The following WDR70 variants were observed in gnomAD, a reference collection of about 807,000 sequenced individuals.
The protein encoded by WDR70 is WD repeat domain 70, also known as WD repeat-containing protein 70.
Under a neutral mutation model 88.6 loss-of-function variants are expected in WDR70, and 53 were observed. The observed-to-expected ratio is 0.60, with a 90% CI of 0.48 to 0.75. The LOEUF is 0.75. Ranked by LOEUF, WDR70 falls within the 30% of genes least tolerant of loss-of-function variation. WDR70 has a pLI of 0.00. For synonymous variants in WDR70, 280 were observed against 270.0 expected, an observed-to-expected ratio of 1.04 and a Z score of -0.36; for missense variants, 610 against 823.2, an observed-to-expected ratio of 0.74 and a Z score of 3.17.
chr5:37,695,210 T>C (rs892452821), intron 10 of WDR70, among the ~76,000 whole-genome samples: 1 of 152,064 alleles, frequency 6.6e-6, no homozygotes, highest in African/African-American at 2.4e-5. Flanking sequence ...TCATGAGAAC[T>C]CACCCACTAT....
chr5:37,536,962 C>G (rs1379344401), intron 9 of WDR70, among the ~76,000 whole-genome samples: 1 of 152,010 alleles, frequency 6.6e-6, no homozygotes, highest in African/African-American at 2.4e-5. Flanking sequence ...TTATCTGGCC[C>G]CATGTCCAAG....
chr5:37,443,078 G>A (rs1195085861), intron 6 of WDR70, among the ~76,000 whole-genome samples, 161 bp from the exon 7 acceptor site: 1 of 152,176 alleles, frequency 6.6e-6, no homozygotes, highest in African/African-American at 2.4e-5. Flanking sequence ...TAATATGGAA[G>A]GCAACCATCC....
intron 17 of WDR70, 36 bp downstream of exon 17, chr5:37,727,081 A>G (rs1260225225): frequency 3.2e-6 from 5 of 1,586,898 alleles, no homozygotes; most frequent in Non-Finnish European, 4.3e-6. Context: ...GAAAATTGTT[A>G]TGTTTAATGA....
intron 10 of WDR70, among the ~76,000 whole-genome samples, chr5:37,658,267 G>A (rs1349944591): frequency 6.6e-6 from 1 of 151,744 alleles, no homozygotes; most frequent in Non-Finnish European, 1.5e-5. Flanking sequence ...GTTCAAACCT[G>A]TGCTGTTCAA....
chr5:37,496,378 G>C (rs961052247), intron 8 of WDR70, among the ~76,000 whole-genome samples: 10 of 152,180 alleles, frequency 6.6e-5, no homozygotes, highest in African/African-American at 2.2e-4. Context: ...AAGGTCTGTG[G>C]CTTCACTCCT....
chr5:37,468,392 A>T (rs1190461487), intron 7 of WDR70, among the ~76,000 whole-genome samples: 16 of 152,148 alleles, frequency 1.1e-4, no homozygotes, highest in African/African-American at 3.9e-4. Flanking sequence ...TTTATTTCAG[A>T]TTATATATAT....
chr5:37,747,046 G>A (rs1748655944), intron 17 of WDR70, among the ~76,000 whole-genome samples: 1 of 152,114 alleles, frequency 6.6e-6, no homozygotes, highest in Admixed American at 6.5e-5. Flanking sequence ...ACCGAACCCA[G>A]CAGCACATCA....
chr5:37,705,973 C>T (rs1305442488), intron 13 of WDR70, among the ~76,000 whole-genome samples: 2 of 152,232 alleles, frequency 1.3e-5, no homozygotes, highest in African/African-American at 4.8e-5. Flanking sequence ...TATTCTAGGA[C>T]ACCAGGCTCA....
At chr5:37,479,366 GTTT>G (rs55879112) in intron 7 of WDR70, 4 of 133,230 alleles carry the variant, frequency 3.0e-5, no homozygotes, top group Non-Finnish European at 6.4e-5. Context: ...GGTGGTGGTT[GTTT>G]TTTTTTTTTT....
intron 5 of WDR70, among the ~76,000 whole-genome samples, chr5:37,409,089 C>A (rs369737286): frequency 6.6e-5 from 10 of 152,052 alleles, no homozygotes; most frequent in African/African-American, 1.9e-4. Context: ...CAGGCACCTG[C>A]TACCATGCCC....
At chr5:37,716,031 C>T (rs188106168) in intron 13 of WDR70, among the ~76,000 whole-genome samples, 302 of 152,258 alleles carry the variant, frequency 2.0e-3, no homozygotes, top group Non-Finnish European at 3.5e-3. Context: ...GACTCCTTCA[C>T]GGACAGGTGT....
rs531722139 is a variant in WDR70 at position 37,652,529 on chromosome 5, G to T, written c.1093-45126G>T. ...GCATTGAATCTATAAATTACCTTGG[G>T]CAGTATGGCCATTTTCACGACATTG... On this transcript the variant is annotated intron_variant, in intron 10 of 17. Transcript: ENST00000265107. 2.3e-4 allele frequency among the ~76,000 whole-genome samples: 35 copies of T among 152,298 alleles called. No individual in the cohort carries two copies. In the East Asian group the frequency reaches 6.7e-3, roughly 29 times the overall value.
chr5:37,603,641 G>T (rs1324465295), intron 9 of WDR70, among the ~76,000 whole-genome samples: 1 of 152,266 alleles, frequency 6.6e-6, no homozygotes, highest in East Asian at 1.9e-4. Flanking sequence ...TCTAATCTTT[G>T]TCTTTCAATT....
Position 37,543,552 on chromosome 5 carries a change from CTG to C in WDR70, c.917+26964_917+26965del, listed in dbSNP as rs562304763. Among the ~76,000 whole-genome samples, 120 of 151,958 alleles carry C rather than the reference CTG, an allele frequency of 7.9e-4. 3 individuals are homozygous for C. The South Asian group carries it at 0.024, about 31-fold the overall frequency. On this transcript the variant is annotated intron_variant, in intron 9 of 17. Transcript: ENST00000265107. Reference sequence around the variant, plus strand: ...AGATTGAGAATACAGATATGATGAACTGTTATATTGTGTTTGTTGAAAAGGAC... The same window carrying C: ...AGATTGAGAATACAGATATGATGAACTTATATTGTGTTTGTTGAAAAGGAC...
Position 37,701,040 on chromosome 5 carries a change from C to A in WDR70, c.1193-18C>A, listed in dbSNP as rs779675375. 2 of 1,528,744 alleles carry A rather than the reference C, an allele frequency of 1.3e-6. No homozygotes were observed. The highest frequency in any genetic ancestry group is 1.1e-5 in the South Asian group (1 of 87,808). 94.7% of individuals were successfully genotyped at this position (1,528,744 alleles called of 1,614,324 possible). ...AATTCACTTTTCTGTCTTTTTTTTC[C>A]CCTCATTCCTCTGTCAGGTGACGAT... On this transcript the variant is annotated intron_variant, in intron 11 of 17. Transcript: ENST00000265107.
intron 9 of WDR70, among the ~76,000 whole-genome samples, chr5:37,524,647 T>A (rs1319597142): frequency 6.6e-6 from 1 of 152,198 alleles, no homozygotes; most frequent in Non-Finnish European, 1.5e-5. Context: ...ACCTTAAATG[T>A]AAATGGGCTA....
intron 10 of WDR70, among the ~76,000 whole-genome samples, chr5:37,625,492 C>G (rs923417978): frequency 1.3e-5 from 2 of 151,784 alleles, no homozygotes; most frequent in Non-Finnish European, 2.9e-5. Context: ...TCTATCTGTT[C>G]AGATCATTTG....
intron 8 of WDR70, among the ~76,000 whole-genome samples, chr5:37,495,292 G>A (rs1740180924): frequency 6.6e-6 from 1 of 152,104 alleles, no homozygotes; most frequent in African/African-American, 2.4e-5. Flanking sequence ...GTCTCTTCTT[G>A]GGGGTAGGCT....
At chr5:37,685,892 A>G (rs1746577367) in intron 10 of WDR70, among the ~76,000 whole-genome samples, 1 of 151,870 alleles carries the variant, frequency 6.6e-6, no homozygotes, top group Non-Finnish European at 1.5e-5. Context: ...ACCCCACACA[A>G]GTTCCCAGCT....
Sources: allele counts gnomAD v4.1 joint callset (sites outside exome capture counted in the v4.1 genomes callset), GRCh38; gene constraint gnomAD v4.1.1; transcripts MANE v1.5; gene names NCBI Gene and HGNC (gene_info 2026-07-23, HGNC 2026-07-21).